ATP6V1C1: variants seen among roughly 807,000 people sequenced by gnomAD.
ATP6V1C1 encodes the protein V-type proton ATPase subunit C 1.
Under a neutral mutation model 53.9 loss-of-function variants are expected in ATP6V1C1, and 45 were observed. The observed-to-expected ratio is 0.83, with a 90% CI of 0.66 to 1.07. ATP6V1C1 has a LOEUF of 1.07. Ranked by LOEUF, ATP6V1C1 falls within the 50% of genes least tolerant of loss-of-function variation. ATP6V1C1 has a pLI of 0.00. For synonymous variants in ATP6V1C1, 153 were observed against 155.2 expected (o/e 0.99, Z 0.11); for missense variants, 315 against 440.3 (o/e 0.72, Z 2.55).
At chr8:103,023,513 CGTA>C (rs1379020017) in intron 1 of ATP6V1C1, among the ~76,000 whole-genome samples, 1 of 151,996 alleles carries the variant, frequency 6.6e-6, no homozygotes, top group Non-Finnish European at 1.5e-5. Context: ...ACAGGGTAGT[CGTA>C]ACTACCCTCG....
At chr8:103,038,279 C>G (rs568092760) in intron 1 of ATP6V1C1, among the ~76,000 whole-genome samples, 1 of 152,230 alleles carries the variant, frequency 6.6e-6, no homozygotes, top group Non-Finnish European at 1.5e-5. Flanking sequence ...AATAGACTTC[C>G]TTATGTGGTA....
At chr8:103,057,930 G>A (rs1172473401) in intron 8 of ATP6V1C1, among the ~76,000 whole-genome samples, 2 of 152,014 alleles carry the variant, frequency 1.3e-5, no homozygotes, top group Non-Finnish European at 1.5e-5. Flanking sequence ...GCTCACTTAG[G>A]CTGTTGATAC....
chr8:103,042,631 A>G (rs752988725), intron 3 of ATP6V1C1, among the ~76,000 whole-genome samples: 8 of 152,230 alleles, frequency 5.3e-5, no homozygotes, highest in Non-Finnish European at 8.8e-5. Context: ...TTAATGGGAT[A>G]TAGTTTACAT....
chr8:103,058,626 A>G (rs1018746608), intron 8 of ATP6V1C1, among the ~76,000 whole-genome samples: 1 of 152,216 alleles, frequency 6.6e-6, no homozygotes, highest in Non-Finnish European at 1.5e-5. Flanking sequence ...TTGGTATGAT[A>G]ACTTGAGTGA....
intron 1 of ATP6V1C1, among the ~76,000 whole-genome samples, chr8:103,035,507 A>C (rs1423602934): frequency 6.6e-6 from 1 of 152,192 alleles, no homozygotes; most frequent in African/African-American, 2.4e-5. Context: ...GAATACGATG[A>C]GTGCGTAGTA....
chr8:103,070,995 G>C lies in ATP6V1C1; in HGVS notation c.*2248G>C, dbSNP rs1817577840. 2 of 152,292 alleles carry C rather than the reference G, an allele frequency of 1.3e-5. No individual in the cohort carries two copies. Among genetic ancestry groups the C allele is most frequent in the East Asian group, 3.8e-4 (2 of 5,200 alleles). The allele number at this position is 152,292 out of a possible 1,614,324, so 9.4% of individuals were successfully genotyped here. On this transcript the variant is annotated 3_prime_UTR_variant, in exon 13 of 13. Transcript: ENST00000518738. ...GGTGAGAGGTTGATGCAGGTACTTA[G>C]CCCTTGGGGAACACAGGTAGTTCCT...
At chr8:103,068,219 CA>C (rs1817528666) in intron 12 of ATP6V1C1, among the ~76,000 whole-genome samples, 1 of 152,222 alleles carries the variant, frequency 6.6e-6, no homozygotes, top group South Asian at 2.1e-4. Context: ...CTCCTGGGCT[CA>C]AGGCCTTGGC....
chr8:103,067,041 T>A (rs1292857979), intron 12 of ATP6V1C1, among the ~76,000 whole-genome samples: 1 of 152,176 alleles, frequency 6.6e-6, no homozygotes, highest in Non-Finnish European at 1.5e-5. Flanking sequence ...ACAAAACTGT[T>A]ATTTTTTAAA....
At chr8:103,060,014 C>A (rs2131401347) in intron 8 of ATP6V1C1, among the ~76,000 whole-genome samples, 1 of 150,348 alleles carries the variant, frequency 6.7e-6, no homozygotes, top group East Asian at 1.9e-4. Flanking sequence ...CTCACCCAGG[C>A]TGGAGTGCAG....
chr8:103,048,379 A>T (rs1817142565), intron 3 of ATP6V1C1, among the ~76,000 whole-genome samples: 1 of 152,200 alleles, frequency 6.6e-6, no homozygotes, highest in African/African-American at 2.4e-5. Flanking sequence ...ATAAACAGTT[A>T]ATGAATTAAT....
chr8:103,055,741 A>T, intron 7 of ATP6V1C1, 127 bp from the exon 8 acceptor site: 1 of 770,500 alleles, frequency 1.3e-6, no homozygotes, highest in Non-Finnish European at 2.0e-6. Context: ...TTTTTTTGTT[A>T]AATAGAGTTG....
intron 1 of ATP6V1C1, among the ~76,000 whole-genome samples, chr8:103,033,970 G>C (rs1467103149): frequency 2.0e-5 from 3 of 152,178 alleles, no homozygotes; most frequent in Non-Finnish European, 2.9e-5. Flanking sequence ...TGATAAGTTT[G>C]ACTAGAAGTG....
Position 103,069,865 on chromosome 8 carries a change from C to A in ATP6V1C1, c.*1118C>A, listed in dbSNP as rs1252146359. 3.3e-5 allele frequency: 5 copies of A among 152,288 alleles called. No individual in the cohort carries two copies. The East Asian group carries it at 7.7e-4, about 23-fold the overall frequency. 9.4% of individuals were successfully genotyped at this position (152,288 alleles called of 1,614,324 possible). ...CCTTTAGAAAATTAGCCTCCAAAAT[C>A]TTTTGTTTCAAAATATTATATTATT... is the stretch of plus-strand genomic sequence containing the variant. On this transcript the variant is annotated 3_prime_UTR_variant, in exon 13 of 13. Coordinates refer to ENST00000518738, the MANE Select transcript of ATP6V1C1 (RefSeq NM_001695.5).
intron 6 of ATP6V1C1, among the ~76,000 whole-genome samples, chr8:103,053,025 T>G (rs938003847): frequency 1.3e-5 from 2 of 152,048 alleles, no homozygotes; most frequent in Non-Finnish European, 2.9e-5. Context: ...GGCTGATTTA[T>G]TATACTTGTT....
rs773202741 is a variant in ATP6V1C1 at position 103,066,408 on chromosome 8, G to A, written c.1014G>A (p.Leu338=). 17 of 1,612,816 alleles carry A rather than the reference G, an allele frequency of 1.1e-5. No homozygotes were observed. Among genetic ancestry groups the A allele is most frequent in the Non-Finnish European group, 1.4e-5 (16 of 1,179,712 alleles). Residue 338 remains leucine (L), a synonymous_variant, in exon 12 of 13, where the codon TTG becomes TTA. Transcript: ENST00000518738. ...AACTGAGAGAAGTATTACATGAATTGTATAAACATCTAGACAGCAGTGCAG... is the reference window on the plus strand; with the variant it reads ...AACTGAGAGAAGTATTACATGAATTATATAAACATCTAGACAGCAGTGCAG... ...LKKLREVLHE[L]YKHLDSSAAA... is the part of the protein sequence containing the mutation.
chr8:103,055,309 A>G (rs1022588451), intron 7 of ATP6V1C1, among the ~76,000 whole-genome samples: 1 of 152,120 alleles, frequency 6.6e-6, no homozygotes, highest in African/African-American at 2.4e-5. Context: ...TATACACACT[A>G]TAATTCTTTG....
intron 8 of ATP6V1C1, among the ~76,000 whole-genome samples, chr8:103,062,500 A>G (rs1342024806): frequency 6.6e-6 from 1 of 152,070 alleles, no homozygotes; most frequent in Non-Finnish European, 1.5e-5. Flanking sequence ...ATGTCATGGG[A>G]GCAAAGGAAA....
In ATP6V1C1 at chr8:103,063,158, A is replaced by G. The variant is rs375983657; in HGVS notation, c.758A>G (p.Tyr253Cys). Residue 253 changes from tyrosine to cysteine, a missense_variant, in exon 10 of 13, where the codon TAT (tyrosine) becomes TGT (cysteine). Coordinates refer to ENST00000518738, the MANE Select transcript of ATP6V1C1 (RefSeq NM_001695.5). Reference sequence around the variant, plus strand: ...AGATTCATTGTTCGTGACTTCCAGTATAATGAAGAGGAGATGAAAGCAGAT... The same window carrying G: ...AGATTCATTGTTCGTGACTTCCAGTGTAATGAAGAGGAGATGAAAGCAGAT... The part of the protein sequence containing the change: ...ENKFIVRDFQ[Y>C]NEEEMKADKE... The G allele has an allele frequency of 2.5e-6, 4 of 1,613,344 alleles. No individual in the cohort carries two copies. Among genetic ancestry groups the G allele is most frequent in the Non-Finnish European group, 3.4e-6 (4 of 1,179,678 alleles).
intron 3 of ATP6V1C1, among the ~76,000 whole-genome samples, chr8:103,042,732 T>C (rs540465836): frequency 6.6e-6 from 1 of 152,332 alleles, no homozygotes; most frequent in East Asian, 1.9e-4. Flanking sequence ...GTTTTAAATA[T>C]TTCATCATCC....
Sources: gnomAD v4.1 joint callset for allele counts (sites outside exome capture counted in the v4.1 genomes callset) on GRCh38, gnomAD v4.1.1 for gene constraint, MANE v1.5 for transcripts, NCBI Gene and HGNC (gene_info 2026-07-23, HGNC 2026-07-21) for gene names.